C8orf34: variants seen among roughly 807,000 people sequenced by gnomAD.
C8orf34 encodes uncharacterized protein C8orf34.
In C8orf34, 65 loss-of-function variants were observed where a neutral mutation model predicts 68.3. That is an observed-to-expected ratio of 0.95 (90% CI 0.78 to 1.17). The LOEUF (loss-of-function observed/expected upper bound fraction) is 1.17, where lower values mean the gene tolerates loss of function less well. C8orf34 is among the 50% of genes most tolerant of loss of function. C8orf34 has a pLI of 0.00. For synonymous variants in C8orf34, 244 were observed against 241.2 expected (o/e 1.01, Z -0.11); for missense variants, 664 against 655.4 (o/e 1.01, Z -0.14).
chr8:68,462,859 C>T (rs566234492), intron 3 of C8orf34, among the ~76,000 whole-genome samples: 2 of 152,096 alleles, frequency 1.3e-5, no homozygotes, highest in Admixed American at 1.3e-4. Context: ...AAAATTGACA[C>T]CCTAACATCA....
intron 1 of C8orf34, among the ~76,000 whole-genome samples, chr8:68,426,534 A>G (rs1810228536): frequency 6.6e-6 from 1 of 150,490 alleles, no homozygotes; most frequent in Non-Finnish European, 1.5e-5. Flanking sequence ...AAAAAAAAAA[A>G]AAAAAAAGAA....
intron 10 of C8orf34, among the ~76,000 whole-genome samples, chr8:68,774,424 C>T (rs1268880284): frequency 6.6e-6 from 1 of 151,468 alleles, no homozygotes. Context: ...TTAAATTCCT[C>T]ACAGCTTGAG....
intron 7 of C8orf34, among the ~76,000 whole-genome samples, chr8:68,588,941 G>A (rs1454824757): frequency 6.6e-6 from 1 of 152,128 alleles, no homozygotes; most frequent in African/African-American, 2.4e-5. Context: ...ATCGTTCAGA[G>A]TAGCCACAGA....
At chr8:68,580,911 A>G (rs1188768761) in intron 7 of C8orf34, among the ~76,000 whole-genome samples, 1 of 152,058 alleles carries the variant, frequency 6.6e-6, no homozygotes, top group Non-Finnish European at 1.5e-5. Context: ...CATGCCTGGA[A>G]CCCATCATGG....
intron 4 of C8orf34, among the ~76,000 whole-genome samples, chr8:68,475,051 A>G (rs143697291): frequency 1.3e-3 from 200 of 152,270 alleles, no homozygotes; most frequent in African/African-American, 4.3e-3. Context: ...TTGGGTCTCC[A>G]GTACCATTGC....
chr8:68,559,718 G>A (rs1359289853), intron 7 of C8orf34, among the ~76,000 whole-genome samples: 2 of 152,288 alleles, frequency 1.3e-5, no homozygotes, highest in South Asian at 4.1e-4. Flanking sequence ...CATGATGTAG[G>A]TATGAAATTA....
At chr8:68,675,177 A>G (rs1355910103) in intron 8 of C8orf34, among the ~76,000 whole-genome samples, 2 of 152,210 alleles carry the variant, frequency 1.3e-5, no homozygotes, top group South Asian at 4.1e-4. Flanking sequence ...ATCTGAAAGA[A>G]AAAGATGTTA....
chr8:68,601,151 G>A (rs1294654903), intron 7 of C8orf34, among the ~76,000 whole-genome samples: 1 of 152,012 alleles, frequency 6.6e-6, no homozygotes, highest in Non-Finnish European at 1.5e-5. Flanking sequence ...ATCATGCGCT[G>A]TTTCTTCCTC....
intron 8 of C8orf34, among the ~76,000 whole-genome samples, chr8:68,701,980 A>G (rs932108637): frequency 2.6e-5 from 4 of 151,860 alleles, no homozygotes; most frequent in African/African-American, 7.3e-5. Context: ...CCAGACACAC[A>G]CTATGAAGTT....
chr8:68,409,983 C>T (rs541262297), intron 1 of C8orf34, among the ~76,000 whole-genome samples: 19 of 152,282 alleles, frequency 1.2e-4, no homozygotes, highest in Non-Finnish European at 2.5e-4. Context: ...CCATGCCATA[C>T]AGCCTAGGTG....
At chr8:68,637,446 A>G (rs1331021678) in intron 7 of C8orf34, among the ~76,000 whole-genome samples, 5 of 152,092 alleles carry the variant, frequency 3.3e-5, no homozygotes, top group Non-Finnish European at 7.4e-5. Context: ...TAAGATTTCT[A>G]ATGCTATTTT....
chr8:68,480,158 G>A (rs1171598769), intron 4 of C8orf34, among the ~76,000 whole-genome samples: 1 of 152,174 alleles, frequency 6.6e-6, no homozygotes, highest in Non-Finnish European at 1.5e-5. Flanking sequence ...GGGACCCAGG[G>A]GGAGGTAATG....
chr8:68,716,073 C>A (rs1455300975), intron 9 of C8orf34, among the ~76,000 whole-genome samples: 1 of 151,790 alleles, frequency 6.6e-6, no homozygotes, highest in Non-Finnish European at 1.5e-5. Flanking sequence ...GAATGGAAAA[C>A]CAAATATCAT....
intron 8 of C8orf34, among the ~76,000 whole-genome samples, chr8:68,686,450 A>G (rs1408776484): frequency 6.6e-6 from 1 of 152,124 alleles, no homozygotes. Flanking sequence ...AAGTGGGTTC[A>G]TGCAGACATT....
At chr8:68,393,268 T>G (rs1020357011) in intron 1 of C8orf34, among the ~76,000 whole-genome samples, 5 of 152,176 alleles carry the variant, frequency 3.3e-5, no homozygotes, top group Admixed American at 3.3e-4. Flanking sequence ...TATGTTCATA[T>G]GATTTGATTA....
chr8:68,451,857 C>A (rs898221298), intron 3 of C8orf34, among the ~76,000 whole-genome samples: 2 of 151,750 alleles, frequency 1.3e-5, no homozygotes, highest in Non-Finnish European at 1.5e-5. Flanking sequence ...ATGCAGGGTC[C>A]CCACGAATGT....
At chr8:68,333,863 T>A (rs1186729749) in intron 1 of C8orf34, among the ~76,000 whole-genome samples, 3 of 152,232 alleles carry the variant, frequency 2.0e-5, no homozygotes, top group Non-Finnish European at 4.4e-5. Context: ...GTTGAGTCAG[T>A]GTAGCTGACA....
intron 7 of C8orf34, among the ~76,000 whole-genome samples, chr8:68,577,400 G>T (rs947284064): frequency 6.6e-6 from 1 of 151,878 alleles, no homozygotes; most frequent in Non-Finnish European, 1.5e-5. Flanking sequence ...TGTAACAAAA[G>T]TATTAAAGTT....
intron 1 of C8orf34, among the ~76,000 whole-genome samples, chr8:68,436,551 C>G (rs752564715): frequency 3.3e-5 from 5 of 152,140 alleles, no homozygotes; most frequent in African/African-American, 4.8e-5. Context: ...TATACACCCA[C>G]AGCCTGAAAA....
Sources: gnomAD v4.1 joint callset for allele counts (sites outside exome capture counted in the v4.1 genomes callset) on GRCh38, gnomAD v4.1.1 for gene constraint, MANE v1.5 for transcripts, NCBI Gene and HGNC (gene_info 2026-07-23, HGNC 2026-07-21) for gene names.